Variants in SCHIP1 observed in about 807,000 individuals in gnomAD.
SCHIP1 encodes schwannomin interacting protein 1, also known as schwannomin-interacting protein 1.
In SCHIP1, 8 loss-of-function variants were observed where a neutral mutation model predicts 29.7. The observed-to-expected ratio is 0.27, with a 90% CI of 0.16 to 0.49. The LOEUF is 0.49. Ranked by LOEUF, SCHIP1 falls within the 20% of genes least tolerant of loss-of-function variation. The pLI, the probability that SCHIP1 is intolerant of heterozygous loss-of-function variation, is 0.99. For synonymous variants in SCHIP1, 76 were observed against 94.9 expected (o/e 0.80, Z 1.16); for missense variants, 193 against 294.6 (o/e 0.66, Z 2.52).
At chr3:159,465,658 T>C in the SCHIP1 span, among the ~76,000 whole-genome samples, 1 of 152,152 alleles carries the variant, frequency 6.6e-6, no homozygotes, top group Non-Finnish European at 1.5e-5. Flanking sequence ...ACTTAAACAT[T>C]GATTTTATGT....
the SCHIP1 span, among the ~76,000 whole-genome samples, chr3:159,392,772 T>C: frequency 6.6e-6 from 1 of 152,100 alleles, no homozygotes; most frequent in Non-Finnish European, 1.5e-5. Context: ...GCAATAAACA[T>C]ACGTGTGCAT....
At chr3:159,289,353 C>T in the SCHIP1 span, among the ~76,000 whole-genome samples, 579 of 152,314 alleles carry the variant, frequency 3.8e-3, 6 homozygotes, top group Middle Eastern at 0.017. Context: ...GTCATTTTCT[C>T]TTCATATTGC....
the SCHIP1 span, among the ~76,000 whole-genome samples, chr3:159,750,716 A>G: frequency 3.9e-5 from 6 of 152,114 alleles, no homozygotes; most frequent in Non-Finnish European, 7.4e-5. Context: ...GATCTGCTTG[A>G]AACACTACCA....
chr3:159,842,332 A>T (rs778381157), intron 1 of SCHIP1, among the ~76,000 whole-genome samples: 2 of 152,096 alleles, frequency 1.3e-5, no homozygotes, highest in African/African-American at 4.8e-5. Flanking sequence ...TGAAAATTGC[A>T]TGCACATTTT....
the SCHIP1 span, among the ~76,000 whole-genome samples, chr3:159,296,901 C>T: frequency 6.6e-6 from 1 of 152,078 alleles, no homozygotes; most frequent in Non-Finnish European, 1.5e-5. Flanking sequence ...AATATTTATA[C>T]TCTTTGACTA....
At chr3:159,404,610 G>A in the SCHIP1 span, among the ~76,000 whole-genome samples, 2 of 152,176 alleles carry the variant, frequency 1.3e-5, no homozygotes, top group Admixed American at 1.3e-4. Context: ...TGCTAACTTA[G>A]CCACAGTAGA....
the SCHIP1 span, among the ~76,000 whole-genome samples, chr3:159,550,455 A>G: frequency 6.6e-6 from 1 of 152,046 alleles, no homozygotes; most frequent in Admixed American, 6.6e-5. Flanking sequence ...AATGGTATAA[A>G]ATACTCCTCT....
At chr3:159,671,330 T>A in the SCHIP1 span, among the ~76,000 whole-genome samples, 21 of 152,288 alleles carry the variant, frequency 1.4e-4, no homozygotes, top group African/African-American at 5.1e-4. Context: ...CTGGGTGATA[T>A]AGTCCCCACT....
chr3:159,371,802 G>C, the SCHIP1 span, among the ~76,000 whole-genome samples: 1 of 152,068 alleles, frequency 6.6e-6, no homozygotes, highest in Non-Finnish European at 1.5e-5. Context: ...ATATTATACT[G>C]TTTCATTTAG....
At chr3:159,543,136 T>TATAG in the SCHIP1 span, among the ~76,000 whole-genome samples, 2 of 145,126 alleles carry the variant, frequency 1.4e-5, no homozygotes, top group African/African-American at 5.0e-5. Flanking sequence ...TATATATATA[T>TATAG]AGATATAAAA....
the SCHIP1 span, among the ~76,000 whole-genome samples, chr3:159,513,327 T>C: frequency 2.0e-5 from 3 of 152,220 alleles, no homozygotes; most frequent in African/African-American, 7.2e-5. Flanking sequence ...TCTTATACCT[T>C]TCTATATGCC....
At chr3:159,796,249 G>C in the SCHIP1 span, among the ~76,000 whole-genome samples, 525 of 152,192 alleles carry the variant, frequency 3.4e-3, 2 homozygotes, top group African/African-American at 0.012. Flanking sequence ...TTAAGAAAAG[G>C]TACTCCCGAA....
At chr3:159,756,973 G>A in the SCHIP1 span, among the ~76,000 whole-genome samples, 10 of 152,248 alleles carry the variant, frequency 6.6e-5, no homozygotes, top group Admixed American at 1.3e-4. Context: ...AGCATTTTTG[G>A]CAAAGCCATT....
chr3:159,894,988 G>A lies in SCHIP1; in HGVS notation c.684-1735G>A, dbSNP rs138805713. Among the ~76,000 whole-genome samples the A allele has an allele frequency of 7.3e-4, 111 of 152,274 alleles. 1 individual carries two copies. Among genetic ancestry groups the A allele is most frequent in the African/African-American group, 2.1e-3 (87 of 41,566 alleles). Reference sequence around the variant, plus strand: ...CATGTGCATAGGAGTGTGTGTGCATGAGCATGTACATAGTAGTATATTTTA... The same window carrying A: ...CATGTGCATAGGAGTGTGTGTGCATAAGCATGTACATAGTAGTATATTTTA... On this transcript the variant is annotated intron_variant, in intron 6 of 6. Coordinates refer to ENST00000445224, the Ensembl canonical transcript of SCHIP1.
chr3:159,313,272 G>T, the SCHIP1 span, among the ~76,000 whole-genome samples: 1 of 152,144 alleles, frequency 6.6e-6, no homozygotes, highest in Non-Finnish European at 1.5e-5. Context: ...TAGTACAAAA[G>T]CAAAGTTCTT....
the SCHIP1 span, among the ~76,000 whole-genome samples, chr3:159,472,831 G>A: frequency 6.6e-6 from 1 of 152,100 alleles, no homozygotes; most frequent in African/African-American, 2.4e-5. Flanking sequence ...GTGGGGTGAG[G>A]GAACCGGAAG....
chr3:159,807,915 A>G, the SCHIP1 span, among the ~76,000 whole-genome samples: 1 of 152,216 alleles, frequency 6.6e-6, no homozygotes, highest in South Asian at 2.1e-4. Flanking sequence ...TAGCTAAGTT[A>G]TGCAGTGTGC....
the SCHIP1 span, among the ~76,000 whole-genome samples, chr3:159,275,520 T>C: frequency 1.3e-5 from 2 of 152,188 alleles, no homozygotes; most frequent in Non-Finnish European, 1.5e-5. Flanking sequence ...ATTTGATCTT[T>C]GTCTCTGTCT....
the SCHIP1 span, among the ~76,000 whole-genome samples, chr3:159,629,108 C>T: frequency 6.6e-6 from 1 of 151,870 alleles, no homozygotes; most frequent in Non-Finnish European, 1.5e-5. Context: ...TATTCTGTAT[C>T]TGTAACTCAT....
Sources: allele counts gnomAD v4.1 joint callset (sites outside exome capture counted in the v4.1 genomes callset), GRCh38; gene constraint gnomAD v4.1.1; transcripts MANE v1.5; gene names NCBI Gene and HGNC (gene_info 2026-07-23, HGNC 2026-07-21).